The following RAB7A variants were observed in gnomAD, a reference collection of about 807,000 sequenced individuals.
RAB7A encodes the protein ras-related protein Rab-7a.
In RAB7A, 2 loss-of-function variants were observed where a neutral mutation model predicts 24.5. That is an observed-to-expected ratio of 0.08 (90% confidence interval 0.03 to 0.26). RAB7A has a LOEUF of 0.26. Among genes scored for constraint, RAB7A ranks in the 10% least tolerant of loss-of-function variants. The pLI is 1.00. For missense variants in RAB7A, 118 were observed against 255.7 expected, an observed-to-expected ratio of 0.46 and a Z score of 3.67; for synonymous variants, 100 against 95.9, an observed-to-expected ratio of 1.04 and a Z score of -0.25.
chr3:128,806,309 C>T, intron 3 of RAB7A, 63 bp from the exon 4 acceptor site: 5 of 1,465,170 alleles, frequency 3.4e-6, no homozygotes, highest in Non-Finnish European at 4.7e-6. Flanking sequence ...GCACCCCTTG[C>T]ATACATGCTC....
At chr3:128,778,885 A>T (rs567334515) in intron 1 of RAB7A, among the ~76,000 whole-genome samples, 1 of 152,156 alleles carries the variant, frequency 6.6e-6, no homozygotes, top group Non-Finnish European at 1.5e-5. Flanking sequence ...ATCACATGGG[A>T]AAAGGATTAG....
intron 3 of RAB7A, among the ~76,000 whole-genome samples, chr3:128,802,431 G>A (rs970549289): frequency 2.0e-5 from 3 of 152,150 alleles, no homozygotes; most frequent in African/African-American, 7.2e-5. Flanking sequence ...GAGGGCACAG[G>A]GTGCACCTCT....
intron 1 of RAB7A, among the ~76,000 whole-genome samples, chr3:128,752,543 CTGTT>C (rs1176865451): frequency 6.6e-6 from 1 of 152,074 alleles, no homozygotes; most frequent in Non-Finnish European, 1.5e-5. Context: ...ATTGTGGTCT[CTGTT>C]TGTCAGGTCA....
chr3:128,746,572 A>G (rs1181697535), intron 1 of RAB7A, among the ~76,000 whole-genome samples: 1 of 151,598 alleles, frequency 6.6e-6, no homozygotes, highest in Admixed American at 6.6e-5. Flanking sequence ...TCTGTCTCCC[A>G]GGCTGGAGTG....
At chr3:128,776,694 C>G (rs754208887) in intron 1 of RAB7A, among the ~76,000 whole-genome samples, 1 of 151,942 alleles carries the variant, frequency 6.6e-6, no homozygotes, top group African/African-American at 2.4e-5. Context: ...ATCTCTTCCA[C>G]GTACTGATTC....
intron 3 of RAB7A, among the ~76,000 whole-genome samples, chr3:128,800,410 T>A (rs1051112702): frequency 2.0e-5 from 3 of 152,090 alleles, no homozygotes; most frequent in Non-Finnish European, 4.4e-5. Context: ...GAAATCAGAG[T>A]TCGGCCCCTG....
rs71153147 is a variant in RAB7A at position 128,795,751 on chromosome 3, CTTTTT to C, written c.53+344_53+348del. On this transcript the variant is annotated intron_variant, in intron 2 of 5. Transcript: ENST00000265062. ...ATTGGCATCTGGCGTAGCAGATGTG[CTTTTT>C]TTTTTTTTTTTTGGAGACAGAGTCT... 1.2e-4 allele frequency among the ~76,000 whole-genome samples: 5 copies of C among 43,036 alleles called. 2 individuals are homozygous for C. The highest frequency in any genetic ancestry group is 1.4e-4 in the Non-Finnish European group (3 of 21,216). 28.2% of individuals were successfully genotyped at this position (43,036 alleles called of 152,430 possible).
chr3:128,739,001 C>A (rs764699295), intron 1 of RAB7A, among the ~76,000 whole-genome samples: 1 of 152,114 alleles, frequency 6.6e-6, no homozygotes, highest in South Asian at 2.1e-4. Context: ...AAGATCCTTT[C>A]GTATTTTGAC....
intron 3 of RAB7A, 84 bp downstream of exon 3, chr3:128,798,153 C>T (rs1250421009): frequency 1.3e-6 from 2 of 1,520,132 alleles, no homozygotes; most frequent in African/African-American, 1.4e-5. Context: ...CATTTTCCTT[C>T]CCTGTTCTTC....
chr3:128,752,737 T>TC (rs947394317), intron 1 of RAB7A, among the ~76,000 whole-genome samples: 5 of 132,816 alleles, frequency 3.8e-5, no homozygotes, highest in African/African-American at 6.1e-5. Context: ...AAGCTTTTCC[T>TC]CTTTTTTTTT....
intron 1 of RAB7A, among the ~76,000 whole-genome samples, chr3:128,746,399 A>C (rs533637425): frequency 1.3e-5 from 2 of 152,098 alleles, no homozygotes; most frequent in African/African-American, 4.8e-5. Context: ...CAGCCTCTCA[A>C]TGAGCTGGGA....
At chr3:128,759,946 G>A (rs543129090) in intron 1 of RAB7A, among the ~76,000 whole-genome samples, 3 of 152,266 alleles carry the variant, frequency 2.0e-5, no homozygotes, top group South Asian at 2.1e-4. Context: ...CCGACCTCAG[G>A]TGATCTGCCT....
At chr3:128,765,569 C>T (rs578171715) in intron 1 of RAB7A, among the ~76,000 whole-genome samples, 1 of 152,216 alleles carries the variant, frequency 6.6e-6, no homozygotes, top group South Asian at 2.1e-4. Context: ...TGAGGAAGTC[C>T]ATTATCAGGG....
chr3:128,748,925 A>T (rs1476560975), intron 1 of RAB7A: 1 of 152,132 alleles, frequency 6.6e-6, no homozygotes, highest in Non-Finnish European at 1.5e-5. Context: ...AGGCTCCACA[A>T]ATCCACTGGG....
intron 1 of RAB7A, among the ~76,000 whole-genome samples, chr3:128,753,944 C>T (rs920748894): frequency 2.6e-5 from 4 of 151,872 alleles, no homozygotes; most frequent in African/African-American, 7.3e-5. Flanking sequence ...AATCCTGTTG[C>T]ATTGGGGATT....
intron 1 of RAB7A, among the ~76,000 whole-genome samples, chr3:128,782,826 G>A (rs895660930): frequency 2.0e-5 from 3 of 152,112 alleles, no homozygotes; most frequent in Non-Finnish European, 2.9e-5. Flanking sequence ...TAAGAGTCCA[G>A]GTAACACTTA....
intron 1 of RAB7A, among the ~76,000 whole-genome samples, chr3:128,777,195 A>G (rs1933115192): frequency 6.6e-6 from 1 of 151,830 alleles, no homozygotes; most frequent in African/African-American, 2.4e-5. Context: ...TCTCAGTATG[A>G]TTCTTTTTTT....
At position 128,731,814 on chromosome 3, in the gene RAB7A, T is replaced by C. The variant is rs566796896; in HGVS notation, c.-9+5455T>C. 2.6e-4 allele frequency among the ~76,000 whole-genome samples: 40 copies of C among 152,150 alleles called. No homozygotes were observed. The South Asian group carries it at 7.7e-3, about 29-fold the overall frequency. ...CAGGGTCAAGAGATAGAGACCATCCTGGCCAACGTGGTGAAACCCCGTCTA... is the reference window on the plus strand; with the variant it reads ...CAGGGTCAAGAGATAGAGACCATCCCGGCCAACGTGGTGAAACCCCGTCTA... On this transcript the variant is annotated intron_variant, in intron 1 of 5. Coordinates refer to ENST00000265062, the MANE Select transcript of RAB7A (RefSeq NM_004637.6).
At chr3:128,767,708 C>T (rs760713121) in intron 1 of RAB7A, among the ~76,000 whole-genome samples, 30 of 152,110 alleles carry the variant, frequency 2.0e-4, no homozygotes, top group Non-Finnish European at 2.9e-4. Context: ...CAACACAAGG[C>T]AGACGTTTGC....
Sources: gnomAD v4.1 joint callset for allele counts (sites outside exome capture counted in the v4.1 genomes callset) on GRCh38, gnomAD v4.1.1 for gene constraint, MANE v1.5 for transcripts, NCBI Gene and HGNC (gene_info 2026-07-23, HGNC 2026-07-21) for gene names.